CDK11B: variants seen among roughly 807,000 people sequenced by gnomAD.
The protein encoded by CDK11B is cyclin dependent kinase 11B, also known as cyclin-dependent kinase 11B.
A neutral mutation model predicts 84.0 loss-of-function variants in CDK11B; 37 were observed. The ratio of observed to expected loss-of-function variants is 0.44; its 90% CI spans 0.34 to 0.58. The LOEUF is 0.58. Ranked by LOEUF, CDK11B falls within the 20% of genes least tolerant of loss-of-function variation. The pLI, the probability that CDK11B is intolerant of heterozygous loss-of-function variation, is 0.02. For synonymous variants in CDK11B, 269 were observed against 309.8 expected (o/e 0.87, Z 1.38); for missense variants, 427 against 834.0 (o/e 0.51, Z 6.01).
intron 5 of CDK11B, among the ~76,000 whole-genome samples, chr1:1,647,455 C>A (rs1217542346): frequency 6.6e-6 from 1 of 152,274 alleles, no homozygotes; most frequent in Admixed American, 6.5e-5. Flanking sequence ...TAATTTTCAA[C>A]CTTGGCTTCC....
intron 4 of CDK11B, among the ~76,000 whole-genome samples, chr1:1,650,654 C>T (rs1295365414): frequency 4.2e-5 from 6 of 142,416 alleles, no homozygotes; most frequent in South Asian, 4.5e-4. Flanking sequence ...TGTGAGCCAC[C>T]GCGCCCGGCC....
chr1:1,640,685 G>T (rs1370138784), intron 10 of CDK11B, among the ~76,000 whole-genome samples: 1 of 152,164 alleles, frequency 6.6e-6, no homozygotes, highest in South Asian at 2.1e-4. Context: ...TCATGTGGGG[G>T]ACAAGCCCAC....
chr1:1,639,576 G>A (rs889165648), intron 11 of CDK11B, among the ~76,000 whole-genome samples: 4 of 151,920 alleles, frequency 2.6e-5, no homozygotes, highest in Non-Finnish European at 4.4e-5. Context: ...TGCCCAGGCC[G>A]GATGTCATGT....
intron 3 of CDK11B, among the ~76,000 whole-genome samples, chr1:1,654,395 A>C (rs1233283018): frequency 6.6e-6 from 1 of 152,152 alleles, no homozygotes; most frequent in Non-Finnish European, 1.5e-5. Flanking sequence ...CCTGATGATG[A>C]CCATGAGGGG....
At position 1,636,117 on chromosome 1, in the gene CDK11B, G is replaced by C; in HGVS notation, c.2076C>G (p.Thr692=). 3.7e-6 allele frequency: 2 copies of C among 540,282 alleles called. No individual in the cohort carries two copies. The highest frequency in any genetic ancestry group is 6.4e-6 in the Non-Finnish European group (2 of 312,274). 33.5% of individuals were successfully genotyped at this position (540,282 alleles called of 1,614,324 possible). ...QGFDLMNKFL[T]YFPGRRISAE... is the part of the protein sequence containing the mutation. The stretch of plus-strand genomic sequence containing the variant: ...CGCTGATCCTCCTCCCGGGGAAGTA[G>C]GTCAGGAACCTGGGGGGAGAGGGCC... Residue 692 remains threonine (T), a synonymous_variant, in exon 19 of 20, where the codon ACC becomes ACG. Transcript: ENST00000341832.
At chr1:1,654,803 C>T (rs1570237033) in intron 3 of CDK11B, among the ~76,000 whole-genome samples, 2 of 151,852 alleles carry the variant, frequency 1.3e-5, no homozygotes, top group South Asian at 2.1e-4. Flanking sequence ...GGACTAAAGG[C>T]GCCTGCCACC....
intron 3 of CDK11B, among the ~76,000 whole-genome samples, chr1:1,653,191 A>AT (rs1642237042): frequency 1.3e-5 from 2 of 150,892 alleles, no homozygotes. Context: ...CACCCGGCTA[A>AT]TTTTTTTATT....
intron 5 of CDK11B, chr1:1,646,284 T>G: frequency 4.9e-6 from 2 of 407,192 alleles, no homozygotes; most frequent in South Asian, 3.7e-5. Flanking sequence ...GTGTCTTTTT[T>G]ATTCTTCCCT....
At chr1:1,650,267 C>CAAAAAAAAAAAA (rs1641788202) in intron 4 of CDK11B, among the ~76,000 whole-genome samples, 1 of 65,898 alleles carries the variant, frequency 1.5e-5, no homozygotes, top group Non-Finnish European at 2.8e-5. Flanking sequence ...AGACTCCGTC[C>CAAAAAAAAAAAA]CAAAAAAAAA....
At chr1:1,656,590 T>G (rs1642783171) in intron 2 of CDK11B, among the ~76,000 whole-genome samples, 1 of 152,004 alleles carries the variant, frequency 6.6e-6, no homozygotes. Context: ...GAGATTAAGA[T>G]CATCCTGGCT....
intron 4 of CDK11B, among the ~76,000 whole-genome samples, chr1:1,652,133 T>C (rs1642099920): frequency 6.6e-6 from 1 of 152,018 alleles, no homozygotes; most frequent in Admixed American, 6.6e-5. Flanking sequence ...TCTATAGCCA[T>C]TCTGAATGGT....
chr1:1,649,540 C>A lies in CDK11B; in HGVS notation c.453G>T (p.Gln151His). The A allele has an allele frequency of 6.2e-7, 1 of 1,602,358 alleles. No individual in the cohort carries two copies. Among genetic ancestry groups the A allele is most frequent in the Non-Finnish European group, 8.6e-7 (1 of 1,169,430 alleles). ...QDKARREWER[Q>H]KRREMAREHS... is the part of the protein sequence containing the mutation. The stretch of plus-strand genomic sequence containing the variant: ...GCTCCCTTGCCATCTCCCTTCTCTT[C>A]TGTCTTTCCCATTCCCGGCGAGCTT... The change falls in exon 5 of 20, where the codon CAG becomes CAT. Residue 151 changes from glutamine to histidine, a missense_variant. By Grantham distance (24) the Gln-to-His change is conservative (BLOSUM62 0). Around this residue, in one of 12 missense-constraint regions of CDK11B, gnomAD observed 71 missense variants for 66.2 expected, o/e 1.07. Coordinates refer to ENST00000341832, the MANE Select transcript of CDK11B (RefSeq NM_033486.3).
intron 18 of CDK11B, 101 bp from the exon 19 acceptor site, chr1:1,636,227 G>C: frequency 1.7e-6 from 2 of 1,154,802 alleles, no homozygotes; most frequent in Non-Finnish European, 2.4e-6. Context: ...TGGGACGCCA[G>C]GCACCAGAGC....
intron 11 of CDK11B, 43 bp downstream of exon 11, chr1:1,640,234 C>A (rs778503413): frequency 2.5e-6 from 4 of 1,606,216 alleles, no homozygotes; most frequent in Admixed American, 1.7e-5. Flanking sequence ...GTAACTCCGA[C>A]TGCCAATGCG....
At chr1:1,650,513 C>T (rs1413889642) in intron 4 of CDK11B, among the ~76,000 whole-genome samples, 1 of 150,728 alleles carries the variant, frequency 6.6e-6, no homozygotes, top group East Asian at 2.0e-4. Context: ...CTACAGGCGC[C>T]TGCCACCACG....
rs1642213484 is a variant in CDK11B, at chr1:1,653,058, T to G, written c.228-492A>C. 4.6e-5 allele frequency among the ~76,000 whole-genome samples: 7 copies of G among 151,840 alleles called. No individual in the cohort carries two copies. In the South Asian group the frequency reaches 1.5e-3, roughly 32 times the overall value. ...TTTTTGAGACGGAGTCTCGCTCTGT[T>G]GCCCAGGCTGGAATGCAGTGGTACG... On this transcript the variant is annotated intron_variant, in intron 3 of 19. Transcript: ENST00000341832.
intron 2 of CDK11B, chr1:1,657,107 T>C (rs1642857016): frequency 1.9e-6 from 2 of 1,028,300 alleles, no homozygotes; most frequent in African/African-American, 3.4e-5. Context: ...GAAAAATTAG[T>C]CCAGTTTTGC....
intron 11 of CDK11B, 88 bp downstream of exon 11, chr1:1,640,189 C>T (rs1640051667): frequency 6.7e-7 from 1 of 1,482,258 alleles, no homozygotes; most frequent in South Asian, 1.3e-5. Context: ...GCGACAGACG[C>T]CAACACGGGG....
At chr1:1,646,462 CCTGT>C (rs1557694438) in intron 5 of CDK11B, 1 of 519,602 alleles carries the variant, frequency 1.9e-6, no homozygotes, top group Non-Finnish European at 3.9e-6. Flanking sequence ...AGCTTTATTC[CCTGT>C]CTTCTTTGTG....
Sources: gnomAD v4.1 joint callset for allele counts (sites outside exome capture counted in the v4.1 genomes callset) on GRCh38, gnomAD v4.1.1 for gene constraint, gnomAD v4.1.1 regional missense constraint, MANE v1.5 for transcripts, NCBI Gene and HGNC (gene_info 2026-07-23, HGNC 2026-07-21) for gene names.